The following CELF2 variants were observed in gnomAD, a reference collection of about 807,000 sequenced individuals.
CELF2 encodes the protein CUG triplet repeat RNA-binding protein 2.
A neutral mutation model predicts 62.6 loss-of-function variants in CELF2; 8 were observed. The observed-to-expected ratio is 0.13, with a 90% CI of 0.07 to 0.23. The LOEUF is 0.23. Among genes scored for constraint, CELF2 ranks in the 10% least tolerant of loss-of-function variants. The pLI, the probability that CELF2 is intolerant of heterozygous loss-of-function variation, is 1.00. For missense variants in CELF2, 333 were observed against 671.0 expected (o/e 0.50, Z 5.56); for synonymous variants, 258 against 250.0 (o/e 1.03, Z -0.30).
intron 2 of CELF2, among the ~76,000 whole-genome samples, chr10:10,977,720 T>C (rs1203844618): frequency 1.3e-5 from 2 of 152,230 alleles, no homozygotes; most frequent in Non-Finnish European, 2.9e-5. Flanking sequence ...CTGGACTCAT[T>C]CAGGTACATA....
the CELF2 span, among the ~76,000 whole-genome samples, chr10:10,692,412 C>CCAAACCAA: frequency 6.7e-6 from 1 of 149,394 alleles, no homozygotes; most frequent in African/African-American, 2.5e-5. Context: ...GTTACTGTAG[C>CCAAACCAA]CTTGTAGTAT....
At chr10:10,807,457 T>A (rs1355898822) in intron 1 of CELF2, among the ~76,000 whole-genome samples, 1 of 152,240 alleles carries the variant, frequency 6.6e-6, no homozygotes, top group Non-Finnish European at 1.5e-5. Flanking sequence ...CTTGAACATA[T>A]AAACCAATGT....
intron 1 of CELF2, among the ~76,000 whole-genome samples, chr10:11,041,244 A>G (rs999565493): frequency 6.6e-6 from 1 of 152,174 alleles, no homozygotes; most frequent in Non-Finnish European, 1.5e-5. Flanking sequence ...TCCTAACACC[A>G]TCATGTTGGG....
intron 7 of CELF2, among the ~76,000 whole-genome samples, chr10:11,273,914 G>C (rs1398938107): frequency 6.6e-6 from 1 of 151,802 alleles, no homozygotes; most frequent in African/African-American, 2.4e-5. Flanking sequence ...TAGAGATGGG[G>C]GTTTTGCCAT....
chr10:11,208,682 G>A (rs561147067), intron 2 of CELF2, among the ~76,000 whole-genome samples: 2 of 152,336 alleles, frequency 1.3e-5, no homozygotes, highest in East Asian at 3.9e-4. Flanking sequence ...AGGAAAGTTA[G>A]AGCAGTATTT....
At chr10:11,179,917 C>T (rs141210704) in intron 2 of CELF2, among the ~76,000 whole-genome samples, 164 of 152,278 alleles carry the variant, frequency 1.1e-3, no homozygotes, top group Admixed American at 1.8e-3. Context: ...AACAGTCACA[C>T]TCAGCCCTAG....
intron 2 of CELF2, among the ~76,000 whole-genome samples, chr10:11,201,396 C>A (rs1351519001): frequency 6.6e-6 from 1 of 152,182 alleles, no homozygotes; most frequent in Non-Finnish European, 1.5e-5. Flanking sequence ...TGTCACTCTA[C>A]CATCTCTTTG....
chr10:10,640,784 T>C, the CELF2 span, among the ~76,000 whole-genome samples: 6 of 152,256 alleles, frequency 3.9e-5, no homozygotes, highest in Non-Finnish European at 8.8e-5. Flanking sequence ...AAAATGTTTC[T>C]GTGACTTAAC....
chr10:11,181,623 G>A (rs757653311), intron 2 of CELF2, among the ~76,000 whole-genome samples: 1 of 152,136 alleles, frequency 6.6e-6, no homozygotes, highest in Non-Finnish European at 1.5e-5. Context: ...GTCATGTCTC[G>A]CTCTGCTGAA....
At chr10:10,541,279 G>GGC in the CELF2 span, among the ~76,000 whole-genome samples, 7 of 148,784 alleles carry the variant, frequency 4.7e-5, no homozygotes, top group African/African-American at 1.5e-4. Flanking sequence ...CACATATAAA[G>GGC]GCTCTCTGGA....
intron 1 of CELF2, among the ~76,000 whole-genome samples, chr10:10,832,806 A>T (rs2057976592): frequency 6.6e-6 from 1 of 152,154 alleles, no homozygotes; most frequent in South Asian, 2.1e-4. Context: ...ACATGCATTC[A>T]TTACACTGGA....
chr10:10,764,513 C>G, the CELF2 span, among the ~76,000 whole-genome samples: 4 of 152,152 alleles, frequency 2.6e-5, no homozygotes, highest in Non-Finnish European at 5.9e-5. Flanking sequence ...AAGGTGTCTT[C>G]TGAGAAGAGA....
In CELF2 at chr10:10,932,788, G is replaced by A. The variant is rs145833751; in HGVS notation, c.89+12789G>A. Among the ~76,000 whole-genome samples, 523 of 152,158 alleles carry A rather than the reference G, an allele frequency of 3.4e-3. 3 individuals carry two copies. The highest frequency in any genetic ancestry group is 0.011 in the Admixed American group (164 of 15,282). On this transcript the variant is annotated intron_variant, in intron 2 of 13. Coordinates refer to the CELF2 transcript ENST00000636488. Reference sequence around the variant, plus strand: ...AGAGAACATTTTTCATATGGCAATTGAAAGAATATCATTGGAGGGAATATC... The same window carrying A: ...AGAGAACATTTTTCATATGGCAATTAAAAGAATATCATTGGAGGGAATATC...
intron 1 of CELF2, among the ~76,000 whole-genome samples, chr10:10,880,144 A>T (rs985842297): frequency 6.6e-6 from 1 of 152,160 alleles, no homozygotes; most frequent in Non-Finnish European, 1.5e-5. Flanking sequence ...CATCGCCATG[A>T]TTTGAGAAAC....
intron 2 of CELF2, among the ~76,000 whole-genome samples, chr10:10,943,175 C>T (rs896236915): frequency 6.6e-6 from 1 of 152,160 alleles, no homozygotes; most frequent in Non-Finnish European, 1.5e-5. Flanking sequence ...GTTTATCTCC[C>T]ATCTCTCCAA....
intron 1 of CELF2, among the ~76,000 whole-genome samples, chr10:10,902,483 A>T (rs2063009548): frequency 6.6e-6 from 1 of 152,176 alleles, no homozygotes; most frequent in South Asian, 2.1e-4. Flanking sequence ...TGAGTAAAAG[A>T]CGCCAGGCCA....
chr10:10,575,286 T>A, the CELF2 span, among the ~76,000 whole-genome samples: 1 of 152,198 alleles, frequency 6.6e-6, no homozygotes, highest in South Asian at 2.1e-4. Flanking sequence ...GAATAAGGTC[T>A]AACTCATGGA....
chr10:11,069,121 A>G (rs943376235), intron 1 of CELF2, among the ~76,000 whole-genome samples: 1 of 152,200 alleles, frequency 6.6e-6, no homozygotes, highest in Non-Finnish European at 1.5e-5. Flanking sequence ...AAGTGTTATT[A>G]TATTATCCTT....
At chr10:10,565,215 G>C in the CELF2 span, among the ~76,000 whole-genome samples, 1 of 152,202 alleles carries the variant, frequency 6.6e-6, no homozygotes, top group Non-Finnish European at 1.5e-5. Context: ...CTGTACACTG[G>C]CTGGGACAAC....
Sources: allele counts gnomAD v4.1 joint callset (sites outside exome capture counted in the v4.1 genomes callset), GRCh38; gene constraint gnomAD v4.1.1; transcripts MANE v1.5; gene names NCBI Gene and HGNC (gene_info 2026-07-23, HGNC 2026-07-21).